RLBP1: variants seen among roughly 807,000 people sequenced by gnomAD.
The protein encoded by RLBP1 is retinaldehyde binding protein 1.
A neutral mutation model predicts 36.2 loss-of-function variants in RLBP1; 26 were observed. The ratio of observed to expected loss-of-function variants is 0.72; its 90% CI spans 0.53 to 1.00. The LOEUF is 1.00. RLBP1 is among the 50% of genes least tolerant of loss of function. RLBP1 has a pLI of 0.00. For synonymous variants in RLBP1, 155 were observed against 156.2 expected, an observed-to-expected ratio of 0.99 and a Z score of 0.06; for missense variants, 410 against 402.4, an observed-to-expected ratio of 1.02 and a Z score of -0.16.
At position 89,214,329 on chromosome 15, in the gene RLBP1, C is replaced by T. The variant is rs954148000; in HGVS notation, c.525+731G>A. Among the ~76,000 whole-genome samples the T allele has an allele frequency of 3.9e-5, 6 of 152,220 alleles. No individual in the cohort carries two copies. Among genetic ancestry groups the T allele is most frequent in the South Asian group, 4.1e-4 (2 of 4,822 alleles). ...TACAAACATTAGCTGGGCATGGTGG[C>T]GTGCGTCTGTAATCCCAGCTACTTG... is the stretch of plus-strand genomic sequence containing the variant. On this transcript the variant is annotated intron_variant, in intron 6 of 8. Transcript: ENST00000268125. The surrounding 1 kb of genome is among the most constrained non-coding windows in gnomAD (Gnocchi z 4.6).
In RLBP1 at chr15:89,218,730, C is replaced by T. The variant is rs377418975; in HGVS notation, c.13-37G>A. On this transcript the variant is annotated intron_variant, in intron 3 of 8. Transcript: ENST00000268125. This position sits in a 1 kb window ranked among gnomAD's most constrained non-coding sequence, Gnocchi z 4.6. Reference sequence around the variant, plus strand: ...AAGGAAAAAGAGGAACAGCCAACCGCATCAGCCTGAGCCAGCCAGGGAAAT... The same window carrying T: ...AAGGAAAAAGAGGAACAGCCAACCGTATCAGCCTGAGCCAGCCAGGGAAAT... 35 of 1,612,030 alleles carry T rather than the reference C, an allele frequency of 2.2e-5. No individual in the cohort carries two copies. Among genetic ancestry groups the T allele is most frequent in the Non-Finnish European group, 2.7e-5 (32 of 1,180,030 alleles).
chr15:89,210,882 C>T lies in RLBP1; in HGVS notation c.685-73G>A, dbSNP rs2051532532. On this transcript the variant is annotated intron_variant, in intron 7 of 8. Coordinates refer to ENST00000268125, the MANE Select transcript of RLBP1 (RefSeq NM_000326.5). This position sits in a 1 kb window ranked among gnomAD's most constrained non-coding sequence, Gnocchi z 4.7. ...AGAGGCTCCCACTCATTCCCTGCTG[C>T]CTCTCCTCATGGCATAGAACAGACT... The T allele has an allele frequency of 5.9e-6, 6 of 1,015,140 alleles. No individual in the cohort carries two copies. The highest frequency in any genetic ancestry group is 9.0e-6 in the Non-Finnish European group (6 of 666,160). The allele number at this position is 1,015,140 out of a possible 1,614,324, so 62.9% of individuals were successfully genotyped here.
chr15:89,211,708 G>A lies in RLBP1; in HGVS notation c.684+35C>T, dbSNP rs762695181. On this transcript the variant is annotated intron_variant, in intron 7 of 8. Transcript: ENST00000268125. The surrounding 1 kb of genome is among the most constrained non-coding windows in gnomAD (Gnocchi z 5.8). ...CCAGCCTCTCAGCCTCCCCAGCTGT[G>A]GGAGGCTGCCGTGCGACAGAACTCT... 5.6e-6 allele frequency: 9 copies of A among 1,610,338 alleles called. No homozygotes were observed. In the East Asian group the frequency reaches 1.8e-4, roughly 32 times the overall value.
rs2051537642 is a variant in RLBP1, at chr15:89,211,480, G to T, written c.684+263C>A. Among the ~76,000 whole-genome samples the T allele has an allele frequency of 6.6e-6, 1 of 152,184 alleles. No individual in the cohort carries two copies. Among genetic ancestry groups the T allele is most frequent in the South Asian group, 2.1e-4 (1 of 4,832 alleles). ...CTCGAGATGTCTCTTAAATCTCTGA[G>T]CCTTCGTTTCCAGGTTTGAAAAATG... is the stretch of plus-strand genomic sequence containing the variant. On this transcript the variant is annotated intron_variant, in intron 7 of 8. Transcript: ENST00000268125. This position sits in a 1 kb window ranked among gnomAD's most constrained non-coding sequence, Gnocchi z 5.8.
intron 6 of RLBP1, among the ~76,000 whole-genome samples, chr15:89,213,641 T>C (rs1050632118): frequency 1.2e-4 from 18 of 152,198 alleles, no homozygotes; most frequent in Non-Finnish European, 2.6e-4. Context: ...TCCCCCCAGA[T>C]GAAGTGCAGT....
Position 89,211,594 on chromosome 15 carries a change from G to T in RLBP1, c.684+149C>A. On this transcript the variant is annotated intron_variant, in intron 7 of 8. Transcript: ENST00000268125. The surrounding 1 kb of genome is among the most constrained non-coding windows in gnomAD (Gnocchi z 5.8). Reference sequence around the variant, plus strand: ...GCAAACTGTCAATCACTATGCAGGTGCTTATGGTTGGGACTGTGGCTGTCA... The same window carrying T: ...GCAAACTGTCAATCACTATGCAGGTTCTTATGGTTGGGACTGTGGCTGTCA... 1.4e-6 allele frequency: 1 copy of T among 712,064 alleles called. No homozygotes were observed. Among genetic ancestry groups the T allele is most frequent in the Non-Finnish European group, 2.4e-6 (1 of 423,410 alleles). The allele number at this position is 712,064 out of a possible 1,614,324, so 44.1% of individuals were successfully genotyped here. A position where few individuals can be genotyped will look rare whatever the true frequency, so the allele number is the denominator to read the frequency against.
chr15:89,215,185 C>G lies in RLBP1; in HGVS notation c.400G>C (p.Glu134Gln). The G allele has an allele frequency of 1.9e-6, 3 of 1,614,158 alleles. No individual in the cohort carries two copies. Among genetic ancestry groups the G allele is most frequent in the Non-Finnish European group, 1.7e-6 (2 of 1,179,996 alleles). ...GCTTCAATGGTGCAGCGGACAGCCT[C>G]TGGGGACAGGCTGTCAAAGAGCTCA... ...YPELFDSLSP[E>Q]AVRCTIEAGY... Residue 134 changes from glutamate to glutamine, a missense_variant, in exon 6 of 9, where the codon GAG becomes CAG. Coordinates refer to ENST00000268125, the MANE Select transcript of RLBP1 (RefSeq NM_000326.5).
Position 89,217,288 on chromosome 15 carries a change from C to T in RLBP1, c.178G>A (p.Glu60Lys), listed in dbSNP as rs760538477. 3 of 1,608,498 alleles carry T rather than the reference C, an allele frequency of 1.9e-6. No individual in the cohort carries two copies. The highest frequency in any genetic ancestry group is 1.3e-5 in the African/African-American group (1 of 75,068). The change falls in exon 5 of 9, where the codon GAG (glutamate) becomes AAG (lysine). Residue 60 changes from glutamate (E) to lysine (K), a missense_variant. Physicochemically the swap from Glu to Lys is moderately conservative, Grantham distance 56 (BLOSUM62 1). Transcript: ENST00000268125. ...TCCTGCAGCTCTCGCACTGCCTCCTCCCGGGTCTCCTCTCTCTCGTTCAGC... is the reference window on the plus strand; with the variant it reads ...TCCTGCAGCTCTCGCACTGCCTCCTTCCGGGTCTCCTCTCTCTCGTTCAGC... The part of the protein sequence containing the change: ...DELNEREETR[E>K]EAVRELQEMV...
chr15:89,213,987 T>A (rs149716260), intron 6 of RLBP1, among the ~76,000 whole-genome samples: 1 of 151,760 alleles, frequency 6.6e-6, no homozygotes, highest in African/African-American at 2.4e-5. Context: ...ATCTCTATCA[T>A]CGAAACAGTA....
chr15:89,219,058 T>C lies in RLBP1; in HGVS notation c.-83A>G. 6.4e-7 allele frequency: 1 copy of C among 1,557,012 alleles called. No homozygotes were observed. The highest frequency in any genetic ancestry group is 1.1e-5 in the South Asian group (1 of 89,786). On this transcript the variant is annotated 5_prime_UTR_variant, in exon 3 of 9. Transcript: ENST00000268125. The stretch of plus-strand genomic sequence containing the variant: ...TGGCCTCTCCAGCCGGCCCCTTCCC[T>C]AGGATAGGAAGTCAGGGCTGCAGGG...
chr15:89,215,188 G>C lies in RLBP1; in HGVS notation c.397C>G (p.Pro133Ala). The C allele has an allele frequency of 6.2e-7, 1 of 1,614,144 alleles. No homozygotes were observed. The highest frequency in any genetic ancestry group is 8.5e-7 in the Non-Finnish European group (1 of 1,179,990). ...TCAATGGTGCAGCGGACAGCCTCTG[G>C]GGACAGGCTGTCAAAGAGCTCAGGG... is the stretch of plus-strand genomic sequence containing the variant. ...QYPELFDSLS[P>A]EAVRCTIEAG... Residue 133 changes from proline (P) to alanine (A), a missense_variant, in exon 6 of 9, where the codon CCA becomes GCA. Coordinates refer to ENST00000268125, the MANE Select transcript of RLBP1 (RefSeq NM_000326.5).
At chr15:89,213,575 T>C (rs1323626674) in intron 6 of RLBP1, among the ~76,000 whole-genome samples, 1 of 152,180 alleles carries the variant, frequency 6.6e-6, no homozygotes, top group Non-Finnish European at 1.5e-5. Flanking sequence ...TGCACAACGT[T>C]GTGAGGAAAA....
intron 6 of RLBP1, among the ~76,000 whole-genome samples, chr15:89,212,694 C>T (rs1261125620): frequency 2.0e-5 from 3 of 151,240 alleles, no homozygotes; most frequent in Non-Finnish European, 4.4e-5. Context: ...TAGTAGAGCT[C>T]TCTAGGTAGT....
chr15:89,212,024 C>T (rs886609166), intron 6 of RLBP1, 123 bp from the exon 7 acceptor site: 25 of 984,428 alleles, frequency 2.5e-5, no homozygotes, highest in Middle Eastern at 2.1e-4. Flanking sequence ...GCTTTGATCT[C>T]GGACATTCCA....
At chr15:89,219,185 T>C in intron 2 of RLBP1, 110 bp from the exon 3 acceptor site, 4 of 640,380 alleles carry the variant, frequency 6.2e-6, no homozygotes, top group Non-Finnish European at 1.1e-5. Context: ...GGTGCCTGGG[T>C]CCCAACCTCC....
chr15:89,217,488 C>T (rs1006620632), intron 4 of RLBP1, among the ~76,000 whole-genome samples, 164 bp from the exon 5 acceptor site: 7 of 152,228 alleles, frequency 4.6e-5, no homozygotes, highest in Admixed American at 1.3e-4. Flanking sequence ...GCACTGGCAA[C>T]ACCTGAGACT....
Position 89,218,845 on chromosome 15 carries a change from A to G in RLBP1, c.12+119T>C, listed in dbSNP as rs950463672. The G allele has an allele frequency of 1.3e-5, 19 of 1,491,984 alleles. No individual in the cohort carries two copies. In the African/African-American group the frequency reaches 2.3e-4, roughly 18 times the overall value. 92.4% of individuals were successfully genotyped at this position (1,491,984 alleles called of 1,614,324 possible). A position where few individuals can be genotyped will look rare whatever the true frequency, so the allele number is the denominator to read the frequency against. On this transcript the variant is annotated intron_variant, in intron 3 of 8. Coordinates refer to ENST00000268125, the MANE Select transcript of RLBP1 (RefSeq NM_000326.5). The surrounding 1 kb of genome is among the most constrained non-coding windows in gnomAD (Gnocchi z 4.6). ...TCAGGACCCACACAGGGGTTATAGAAGTGTGTGCCTATATTCCCGGGCAGA... is the reference window on the plus strand; with the variant it reads ...TCAGGACCCACACAGGGGTTATAGAGGTGTGTGCCTATATTCCCGGGCAGA...
In RLBP1 at chr15:89,217,282, C is replaced by A; in HGVS notation, c.184G>T (p.Ala62Ser). ...LNEREETREEAVRELQEMVQA... is the reference protein window; with the variant it reads ...LNEREETREESVRELQEMVQA... Reference sequence around the variant, plus strand: ...ACCATCTCCTGCAGCTCTCGCACTGCCTCCTCCCGGGTCTCCTCTCTCTCG... The same window carrying A: ...ACCATCTCCTGCAGCTCTCGCACTGACTCCTCCCGGGTCTCCTCTCTCTCG... Residue 62 changes from alanine (A) to serine (S), a missense_variant, in exon 5 of 9, where the codon GCA becomes TCA. By Grantham distance (99) the Ala-to-Ser change is moderately conservative. Transcript: ENST00000268125. The A allele has an allele frequency of 6.2e-7, 1 of 1,609,146 alleles. No individual in the cohort carries two copies. The highest frequency in any genetic ancestry group is 8.5e-7 in the Non-Finnish European group (1 of 1,179,994).
Position 89,211,399 on chromosome 15 carries a change from C to G in RLBP1, c.684+344G>C, listed in dbSNP as rs1314095876. ...ATATGTGGACAGACAACATGGGATTCCAGGTCAGAAGATGCAGGTTCAAGT... is the reference window on the plus strand; with the variant it reads ...ATATGTGGACAGACAACATGGGATTGCAGGTCAGAAGATGCAGGTTCAAGT... On this transcript the variant is annotated intron_variant, in intron 7 of 8. Transcript: ENST00000268125. This position sits in a 1 kb window ranked among gnomAD's most constrained non-coding sequence, Gnocchi z 5.8. Among the ~76,000 whole-genome samples the G allele has an allele frequency of 1.3e-5, 2 of 152,168 alleles. No individual in the cohort carries two copies. The highest frequency in any genetic ancestry group is 3.8e-4 in the East Asian group (2 of 5,196).
Sources: allele counts gnomAD v4.1 joint callset (sites outside exome capture counted in the v4.1 genomes callset), GRCh38; gene constraint gnomAD v4.1.1; non-coding constraint Gnocchi (gnomAD v3.1); transcripts MANE v1.5; gene names NCBI Gene and HGNC (gene_info 2026-07-23, HGNC 2026-07-21).